The following PCDHA10 variants were observed in gnomAD, a reference collection of about 807,000 sequenced individuals.
PCDHA10 encodes the protein protocadherin alpha-10.
In PCDHA10, 45 loss-of-function variants were observed where a neutral mutation model predicts 61.2. The ratio of observed to expected loss-of-function variants is 0.74; its 90% CI spans 0.58 to 0.94. The LOEUF is 0.94. PCDHA10 is among the 40% of genes least tolerant of loss of function. The pLI is 0.00. For synonymous variants in PCDHA10, 602 were observed against 548.8 expected, an observed-to-expected ratio of 1.10 and a Z score of -1.35; for missense variants, 1,278 against 1,236.2, an observed-to-expected ratio of 1.03 and a Z score of -0.51.
At position 140,997,438 on chromosome 5, in the gene PCDHA10, A is replaced by G. The variant is rs182158337; in HGVS notation, c.2537-12189A>G. ...CTCCTAGGCTACAAACCTGTATATC[A>G]TGTTACTATACTGAATACTGTAGGC... On this transcript the variant is annotated intron_variant, in intron 3 of 3. Transcript: ENST00000307360. Among the ~76,000 whole-genome samples, 274 of 152,308 alleles carry G rather than the reference A, an allele frequency of 1.8e-3. 2 individuals are homozygous for G. The highest frequency in any genetic ancestry group is 6.0e-3 in the African/African-American group (248 of 41,560).
chr5:140,871,382 A>C (rs781900960), intron 1 of PCDHA10: 1 of 1,614,070 alleles, frequency 6.2e-7, no homozygotes, highest in South Asian at 1.1e-5. Context: ...GTGTGCTCTG[A>C]GGAGGGCCCA....
intron 3 of PCDHA10, among the ~76,000 whole-genome samples, chr5:140,999,159 G>T (rs1056236953): frequency 6.6e-6 from 1 of 152,182 alleles, no homozygotes; most frequent in Non-Finnish European, 1.5e-5. Flanking sequence ...CAGTCCCCTA[G>T]AAGGAAAAGA....
At chr5:140,875,463 A>G in intron 1 of PCDHA10, 1 of 1,599,288 alleles carries the variant, frequency 6.3e-7, no homozygotes, top group Non-Finnish European at 8.5e-7. Context: ...AGAGGCCCTC[A>G]TTTTCTGCAA....
At position 140,870,703 on chromosome 5, in the gene PCDHA10, G is replaced by C. The variant is rs899824906; in HGVS notation, c.2388+12267G>C. On this transcript the variant is annotated intron_variant, in intron 1 of 3. Coordinates refer to ENST00000307360, the MANE Select transcript of PCDHA10 (RefSeq NM_018901.4). ...GGAGCTGGAGCTGCTACAGTTCCAG[G>C]TGAGCGCGCGCGATGCGGGCGTGCC... is the stretch of plus-strand genomic sequence containing the variant. 6 of 1,613,034 alleles carry C rather than the reference G, an allele frequency of 3.7e-6. No homozygotes were observed. In the Admixed American group the frequency reaches 1.0e-4, roughly 27 times the overall value.
rs1459343581 is a variant in PCDHA10 at position 141,012,230 on chromosome 5, A to G, written c.*2293A>G. 1.3e-5 allele frequency: 2 copies of G among 153,766 alleles called. No individual in the cohort carries two copies. The highest frequency in any genetic ancestry group is 6.5e-5 in the Admixed American group (1 of 15,278). 9.5% of individuals were successfully genotyped at this position (153,766 alleles called of 1,614,324 possible). On this transcript the variant is annotated 3_prime_UTR_variant, in exon 4 of 4. Transcript: ENST00000307360. ...ACATTTGCGAAGTGCTTTCCAATCC[A>G]TGTTAGTTACTAGTTATTACAGCTG...
In PCDHA10 at chr5:140,876,046, C is replaced by T. The variant is rs781957967; in HGVS notation, c.2388+17610C>T. 1.5e-5 allele frequency: 24 copies of T among 1,613,720 alleles called. No individual in the cohort carries two copies. The Admixed American group carries it at 1.7e-4, about 11-fold the overall frequency. Reference sequence around the variant, plus strand: ...AACAAAAAAAGATAAAAGTATATTGCCTGAATTAGTTCTTCGGAAGTTATT... The same window carrying T: ...AACAAAAAAAGATAAAAGTATATTGTCTGAATTAGTTCTTCGGAAGTTATT... On this transcript the variant is annotated intron_variant, in intron 1 of 3. Transcript: ENST00000307360.
At chr5:140,866,776 T>A (rs1554160548) in intron 1 of PCDHA10, 1 of 152,168 alleles carries the variant, frequency 6.6e-6, no homozygotes, top group African/African-American at 2.4e-5. Flanking sequence ...AGATTGTATG[T>A]CCTGACTGAT....
At chr5:140,975,560 A>T (rs1302523568) in intron 1 of PCDHA10, among the ~76,000 whole-genome samples, 1 of 152,238 alleles carries the variant, frequency 6.6e-6, no homozygotes, top group Non-Finnish European at 1.5e-5. Flanking sequence ...AAGGAAAAGG[A>T]GATATTATAT....
intron 3 of PCDHA10, among the ~76,000 whole-genome samples, chr5:141,006,294 C>T (rs2098266534): frequency 6.6e-6 from 1 of 152,048 alleles, no homozygotes; most frequent in African/African-American, 2.4e-5. Flanking sequence ...TCACTGCAAG[C>T]TCCACTTCCC....
intron 1 of PCDHA10, among the ~76,000 whole-genome samples, chr5:140,902,728 C>T (rs1280424808): frequency 6.6e-6 from 1 of 151,858 alleles, no homozygotes; most frequent in Non-Finnish European, 1.5e-5. Flanking sequence ...ACCCTTCCCT[C>T]CAAGTCCCCC....
intron 1 of PCDHA10, among the ~76,000 whole-genome samples, chr5:140,960,338 G>A (rs2095541394): frequency 6.6e-6 from 1 of 152,172 alleles, no homozygotes; most frequent in Admixed American, 6.5e-5. Context: ...AGTACATGAG[G>A]TGAGATATGT....
chr5:140,888,748 T>C (rs782271029), intron 1 of PCDHA10, among the ~76,000 whole-genome samples: 13 of 152,122 alleles, frequency 8.5e-5, no homozygotes, highest in Admixed American at 7.9e-4. Flanking sequence ...GGAATTATTC[T>C]ACCCACTTTT....
intron 1 of PCDHA10, among the ~76,000 whole-genome samples, chr5:140,912,002 A>G (rs1452427916): frequency 6.6e-6 from 1 of 152,236 alleles, no homozygotes; most frequent in Admixed American, 6.5e-5. Context: ...ACAATAGGCC[A>G]TCTGCAAGCT....
chr5:140,882,347 G>A (rs1554173687), intron 1 of PCDHA10: 3 of 1,614,198 alleles, frequency 1.9e-6, no homozygotes, highest in South Asian at 2.2e-5. Context: ...CTGGGAGACG[G>A]GTAGTGGCCA....
intron 3 of PCDHA10, among the ~76,000 whole-genome samples, chr5:140,984,073 G>A (rs1294401230): frequency 4.6e-5 from 7 of 152,222 alleles, no homozygotes; most frequent in Non-Finnish European, 7.3e-5. Context: ...CAGTGCCAAC[G>A]ATGGAGTGAA....
At chr5:140,906,643 G>A (rs1049197869) in intron 1 of PCDHA10, among the ~76,000 whole-genome samples, 14 of 152,222 alleles carry the variant, frequency 9.2e-5, no homozygotes, top group South Asian at 4.1e-4. Context: ...TCAGCAGGTA[G>A]TGGTTTTTTC....
intron 1 of PCDHA10, chr5:140,859,371 T>A: frequency 3.8e-6 from 1 of 264,536 alleles, no homozygotes; most frequent in Non-Finnish European, 6.9e-6. Flanking sequence ...TTGTATAGTT[T>A]AATAGCTTCT....
At chr5:140,964,107 G>A (rs1298844061) in intron 1 of PCDHA10, among the ~76,000 whole-genome samples, 1 of 152,090 alleles carries the variant, frequency 6.6e-6, no homozygotes, top group Non-Finnish European at 1.5e-5. Flanking sequence ...AACAGTCTGA[G>A]CAATCACATT....
intron 1 of PCDHA10, among the ~76,000 whole-genome samples, chr5:140,920,150 G>A (rs2079485713): frequency 6.6e-6 from 1 of 152,244 alleles, no homozygotes; most frequent in South Asian, 2.1e-4. Flanking sequence ...CCAAACCTGG[G>A]AGAAAAACTG....
Sources: gnomAD v4.1 joint callset for allele counts (sites outside exome capture counted in the v4.1 genomes callset) on GRCh38, gnomAD v4.1.1 for gene constraint, MANE v1.5 for transcripts, NCBI Gene and HGNC (gene_info 2026-07-23, HGNC 2026-07-21) for gene names.